Variants in PARD3 observed in about 807,000 individuals in gnomAD.
PARD3 encodes the protein partitioning defective 3 homolog.
Under a neutral mutation model 155.4 loss-of-function variants are expected in PARD3, and 75 were observed. The ratio of observed to expected loss-of-function variants is 0.48; its 90% CI spans 0.40 to 0.58. PARD3 has a LOEUF of 0.58. Ranked by LOEUF, PARD3 falls within the 20% of genes least tolerant of loss-of-function variation. PARD3 has a pLI of 0.00. For missense variants in PARD3, 1,642 were observed against 1,721.7 expected, an observed-to-expected ratio of 0.95 and a Z score of 0.82; for synonymous variants, 576 against 610.5, an observed-to-expected ratio of 0.94 and a Z score of 0.83.
chr10:34,423,141 C>T (rs1187523217), intron 5 of PARD3, among the ~76,000 whole-genome samples: 1 of 152,030 alleles, frequency 6.6e-6, no homozygotes, highest in Admixed American at 6.6e-5. Context: ...ACTACTCTGC[C>T]TTTAAAAAGA....
At chr10:34,532,189 G>A (rs2133807451) in intron 2 of PARD3, among the ~76,000 whole-genome samples, 1 of 152,170 alleles carries the variant, frequency 6.6e-6, no homozygotes, top group Admixed American at 6.5e-5. Flanking sequence ...TTTTATGGTT[G>A]TAAATGACAG....
intron 22 of PARD3, among the ~76,000 whole-genome samples, chr10:34,255,040 G>T (rs995565089): frequency 2.6e-5 from 4 of 152,170 alleles, no homozygotes; most frequent in African/African-American, 9.6e-5. Context: ...TACAAAGCAG[G>T]TATTTTTTAA....
At chr10:34,342,123 C>T (rs924620721) in intron 15 of PARD3, among the ~76,000 whole-genome samples, 6 of 152,168 alleles carry the variant, frequency 3.9e-5, no homozygotes, top group Non-Finnish European at 7.3e-5. Flanking sequence ...AAATGCTACA[C>T]GCATTCTAAA....
intron 21 of PARD3, among the ~76,000 whole-genome samples, chr10:34,272,729 C>T (rs1228431167): frequency 1.3e-5 from 2 of 151,982 alleles, no homozygotes; most frequent in Admixed American, 1.3e-4. Flanking sequence ...CTGACTCAAA[C>T]AAACAAACAA....
At chr10:34,723,937 C>G (rs965728763) in intron 1 of PARD3, among the ~76,000 whole-genome samples, 5 of 152,120 alleles carry the variant, frequency 3.3e-5, no homozygotes, top group South Asian at 2.1e-4. Flanking sequence ...GAGTTCTCGT[C>G]TACACTTCAC....
chr10:34,417,516 T>C (rs986534019), intron 5 of PARD3, among the ~76,000 whole-genome samples: 1 of 152,238 alleles, frequency 6.6e-6, no homozygotes. Flanking sequence ...TGAATCATTA[T>C]GATTAAGTTG....
At chr10:34,675,703 C>G in intron 2 of PARD3, 1 of 194,162 alleles carries the variant, frequency 5.2e-6, no homozygotes, top group Admixed American at 4.7e-5. Flanking sequence ...CTTCCATAGT[C>G]CTTAACTATT....
At chr10:34,185,813 ATATT>A (rs1239773936) in intron 22 of PARD3, among the ~76,000 whole-genome samples, 2 of 65,076 alleles carry the variant, frequency 3.1e-5, no homozygotes, top group East Asian at 5.0e-4. Flanking sequence ...AACATCTTCT[ATATT>A]ATATTATATT....
intron 2 of PARD3, among the ~76,000 whole-genome samples, chr10:34,676,647 A>G (rs965731543): frequency 6.6e-6 from 1 of 152,202 alleles, no homozygotes; most frequent in African/African-American, 2.4e-5. Context: ...GGAAGTTAGA[A>G]ATGCTCGGCG....
At chr10:34,756,137 C>CAAA (rs1356612126) in intron 1 of PARD3, among the ~76,000 whole-genome samples, 1 of 135,600 alleles carries the variant, frequency 7.4e-6, no homozygotes, top group Non-Finnish European at 1.6e-5. Flanking sequence ...CTCCCCATGG[C>CAAA]AAAAAAATGC....
At chr10:34,630,802 GATTTATTTATTTATTTATTTATTT>G (rs111251881) in intron 2 of PARD3, among the ~76,000 whole-genome samples, 7 of 146,134 alleles carry the variant, frequency 4.8e-5, no homozygotes, top group African/African-American at 1.8e-4. Flanking sequence ...TCTGTAAACA[GATTTATTTATTTATTTATTTATTT>G]ATTTATTTAT....
At chr10:34,759,910 T>C (rs1378577465) in intron 1 of PARD3, among the ~76,000 whole-genome samples, 3 of 152,232 alleles carry the variant, frequency 2.0e-5, no homozygotes, top group Non-Finnish European at 2.9e-5. Flanking sequence ...GTCTACTTTA[T>C]TAGCTGAGAA....
chr10:34,225,559 T>A (rs977783307), intron 22 of PARD3, among the ~76,000 whole-genome samples: 8 of 152,192 alleles, frequency 5.3e-5, no homozygotes, highest in East Asian at 1.9e-4. Context: ...TTGGCCAGGC[T>A]GGTCTTGAAC....
At chr10:34,250,167 A>G (rs1190914321) in intron 22 of PARD3, among the ~76,000 whole-genome samples, 1 of 150,216 alleles carries the variant, frequency 6.7e-6, no homozygotes, top group African/African-American at 2.5e-5. Flanking sequence ...ACACACACAC[A>G]GCTTTCCACA....
intron 3 of PARD3, among the ~76,000 whole-genome samples, chr10:34,473,943 C>T (rs74965335): frequency 1.0e-3 from 153 of 152,340 alleles, no homozygotes; most frequent in African/African-American, 3.7e-3. Flanking sequence ...TTCAACAAAG[C>T]TGTTTTCTTC....
chr10:34,413,808 T>C (rs1199575934), intron 5 of PARD3, among the ~76,000 whole-genome samples: 1 of 152,220 alleles, frequency 6.6e-6, no homozygotes, highest in African/African-American at 2.4e-5. Context: ...ATAAACGTTC[T>C]TTAGAGTAGC....
chr10:34,258,738 G>T (rs1442416785), intron 22 of PARD3, among the ~76,000 whole-genome samples: 1 of 152,122 alleles, frequency 6.6e-6, no homozygotes, highest in Non-Finnish European at 1.5e-5. Flanking sequence ...GGAAAAAGTA[G>T]AATAGAACCT....
At chr10:34,265,674 T>C (rs1035426098) in intron 22 of PARD3, among the ~76,000 whole-genome samples, 1 of 152,250 alleles carries the variant, frequency 6.6e-6, no homozygotes, top group African/African-American at 2.4e-5. Flanking sequence ...CTTGAATAAT[T>C]ACTTTTCAAA....
rs1313301306 is a variant in PARD3 at position 34,109,969 on chromosome 10, T to G, written c.*1200A>C. 1 of 151,732 alleles carries G rather than the reference T, an allele frequency of 6.6e-6. No homozygotes were observed. The highest frequency in any genetic ancestry group is 1.5e-5 in the Non-Finnish European group (1 of 67,952). 9.4% of individuals were successfully genotyped at this position (151,732 alleles called of 1,614,324 possible). A position where few individuals can be genotyped will look rare whatever the true frequency, so the allele number is the denominator to read the frequency against. ...TTACAATACAGGATGTTCAGAACAATGAAGGAAGATGGGAGCCACCGAGAT... is the reference window on the plus strand; with the variant it reads ...TTACAATACAGGATGTTCAGAACAAGGAAGGAAGATGGGAGCCACCGAGAT... On this transcript the variant is annotated 3_prime_UTR_variant, in exon 25 of 25. Coordinates refer to ENST00000374788, the MANE Select transcript of PARD3 (RefSeq NM_001184785.2).
Sources: gnomAD v4.1 joint callset for allele counts (sites outside exome capture counted in the v4.1 genomes callset) on GRCh38, gnomAD v4.1.1 for gene constraint, MANE v1.5 for transcripts, NCBI Gene and HGNC (gene_info 2026-07-23, HGNC 2026-07-21) for gene names.